The following KCNIP4 variants were observed in gnomAD, a reference collection of about 807,000 sequenced individuals.
KCNIP4 encodes Kv channel-interacting protein 4.
A neutral mutation model predicts 34.0 loss-of-function variants in KCNIP4; 12 were observed. The observed-to-expected ratio is 0.35, with a 90% CI of 0.23 to 0.57. The LOEUF is 0.57. Ranked by LOEUF, KCNIP4 falls within the 20% of genes least tolerant of loss-of-function variation. The probability of loss-of-function intolerance (pLI) is 0.83; values close to 1 mark genes in which losing one functional copy is unlikely to be tolerated. For synonymous variants in KCNIP4, 124 were observed against 102.2 expected (o/e 1.21, Z -1.29); for missense variants, 238 against 311.7 (o/e 0.76, Z 1.78).
At chr4:20,736,694 A>G (rs1351444685) in intron 5 of KCNIP4, among the ~76,000 whole-genome samples, 1 of 152,226 alleles carries the variant, frequency 6.6e-6, no homozygotes, top group Non-Finnish European at 1.5e-5. Context: ...GCTTTTAAGC[A>G]TGATACTTAC....
chr4:21,123,620 A>G (rs1439817358), intron 1 of KCNIP4, among the ~76,000 whole-genome samples: 6 of 152,236 alleles, frequency 3.9e-5, no homozygotes, highest in African/African-American at 1.4e-4. Flanking sequence ...AAACCATTAC[A>G]TGCCAAAAAT....
chr4:21,695,294 T>C (rs138483443), intron 1 of KCNIP4, among the ~76,000 whole-genome samples: 7 of 152,232 alleles, frequency 4.6e-5, no homozygotes, highest in Middle Eastern at 3.4e-3. Context: ...AAATTTAGTA[T>C]TAGAGACTGA....
At chr4:21,094,968 C>T (rs1747335721) in intron 1 of KCNIP4, among the ~76,000 whole-genome samples, 2 of 152,036 alleles carry the variant, frequency 1.3e-5, no homozygotes. Context: ...CTGCCTTCTC[C>T]ATGGTAGAAA....
intron 1 of KCNIP4, among the ~76,000 whole-genome samples, chr4:21,709,419 C>A (rs1233832635): frequency 6.6e-6 from 1 of 152,126 alleles, no homozygotes; most frequent in East Asian, 1.9e-4. Flanking sequence ...TTCCTGAAGA[C>A]ATAGCAATTA....
intron 2 of KCNIP4, among the ~76,000 whole-genome samples, chr4:20,878,460 C>T (rs1462459364): frequency 6.6e-6 from 1 of 152,076 alleles, no homozygotes; most frequent in Non-Finnish European, 1.5e-5. Flanking sequence ...AGATATGTCC[C>T]CTGCATATAT....
intron 1 of KCNIP4, among the ~76,000 whole-genome samples, chr4:21,570,001 A>G (rs959560585): frequency 7.9e-5 from 12 of 152,004 alleles, no homozygotes; most frequent in African/African-American, 2.9e-4. Flanking sequence ...AGGTAAAGTG[A>G]CATCAGGGCT....
At chr4:21,908,057 T>C (rs1728097121) in intron 1 of KCNIP4, among the ~76,000 whole-genome samples, 1 of 152,116 alleles carries the variant, frequency 6.6e-6, no homozygotes, top group Admixed American at 6.6e-5. Flanking sequence ...CCCTTCCTGC[T>C]CCAAAAGTCT....
chr4:21,899,908 T>C (rs1362308067), intron 1 of KCNIP4, among the ~76,000 whole-genome samples: 1 of 151,996 alleles, frequency 6.6e-6, no homozygotes, highest in Non-Finnish European at 1.5e-5. Flanking sequence ...AAAATATCAA[T>C]GACATTCTTC....
At chr4:21,937,032 C>T (rs1162694861) in intron 1 of KCNIP4, among the ~76,000 whole-genome samples, 5 of 152,010 alleles carry the variant, frequency 3.3e-5, no homozygotes, top group African/African-American at 9.7e-5. Flanking sequence ...CCCAAACTGG[C>T]ACCCCAGTTT....
At chr4:21,039,309 G>C (rs978580396) in intron 1 of KCNIP4, among the ~76,000 whole-genome samples, 1 of 151,568 alleles carries the variant, frequency 6.6e-6, no homozygotes, top group Non-Finnish European at 1.5e-5. Context: ...GGTGGAGGTT[G>C]TAGTGAGCTG....
intron 5 of KCNIP4, among the ~76,000 whole-genome samples, chr4:20,749,115 G>A (rs1753080929): frequency 6.8e-6 from 1 of 148,092 alleles, no homozygotes; most frequent in Admixed American, 6.8e-5. Context: ...CTGAGATTGT[G>A]CCACTGCACT....
intron 1 of KCNIP4, among the ~76,000 whole-genome samples, chr4:21,821,493 A>G (rs1055292443): frequency 3.3e-5 from 5 of 152,188 alleles, no homozygotes; most frequent in Non-Finnish European, 7.3e-5. Context: ...GAAATTGAGC[A>G]GGGAAATTTA....
chr4:21,178,613 G>A (rs960936200), intron 1 of KCNIP4, among the ~76,000 whole-genome samples: 2 of 145,094 alleles, frequency 1.4e-5, no homozygotes, highest in Admixed American at 6.7e-5. Context: ...CATGTGATTG[G>A]TGAGAATGTT....
chr4:21,265,120 T>TAAC (rs1160235043), intron 1 of KCNIP4, among the ~76,000 whole-genome samples: 2 of 148,970 alleles, frequency 1.3e-5, no homozygotes, highest in South Asian at 2.1e-4. Context: ...ATAATAATAA[T>TAAC]AACAACAATA....
At chr4:20,975,146 G>A (rs1416314551) in intron 1 of KCNIP4, among the ~76,000 whole-genome samples, 1 of 152,194 alleles carries the variant, frequency 6.6e-6, no homozygotes, top group African/African-American at 2.4e-5. Context: ...CTCTAGGTCT[G>A]TCTCACTTCA....
At chr4:21,212,194 G>T (rs1234250971) in intron 1 of KCNIP4, among the ~76,000 whole-genome samples, 1 of 152,200 alleles carries the variant, frequency 6.6e-6, no homozygotes, top group Non-Finnish European at 1.5e-5. Context: ...TAAAGGCTGA[G>T]TTAGAAAGAA....
intron 1 of KCNIP4, among the ~76,000 whole-genome samples, chr4:21,917,266 C>G (rs974566941): frequency 3.9e-5 from 6 of 152,156 alleles, no homozygotes; most frequent in African/African-American, 1.4e-4. Context: ...TCCTGAATAG[C>G]TGGGATTACA....
chr4:20,983,694 C>T (rs1177986939), intron 1 of KCNIP4: 2 of 770,806 alleles, frequency 2.6e-6, no homozygotes, highest in Middle Eastern at 2.3e-4. Context: ...ATGCTCTATG[C>T]CAAACATGCA....
intron 1 of KCNIP4, among the ~76,000 whole-genome samples, chr4:20,958,407 A>G (rs536377737): frequency 6.6e-6 from 1 of 152,348 alleles, no homozygotes; most frequent in East Asian, 1.9e-4. Context: ...AACCCTTTGC[A>G]TTCTTTCTAA....
Sources: gnomAD v4.1 joint callset for allele counts (sites outside exome capture counted in the v4.1 genomes callset) on GRCh38, gnomAD v4.1.1 for gene constraint, MANE v1.5 for transcripts, NCBI Gene and HGNC (gene_info 2026-07-23, HGNC 2026-07-21) for gene names.